The following ZBTB25 variants were observed in gnomAD, a reference collection of about 807,000 sequenced individuals.
ZBTB25 encodes the protein zinc finger and BTB domain containing 25, also known as zinc finger and BTB domain-containing protein 25.
ZBTB25 carries 20 observed loss-of-function variants against 34.2 expected under a neutral mutation model. That is an observed-to-expected ratio of 0.58 (90% confidence interval 0.41 to 0.85). ZBTB25 has a LOEUF of 0.85. ZBTB25 is among the 40% of genes least tolerant of loss of function. The pLI is 0.00. For missense variants in ZBTB25, 437 were observed against 521.8 expected, an observed-to-expected ratio of 0.84 and a Z score of 1.58; for synonymous variants, 175 against 186.4, an observed-to-expected ratio of 0.94 and a Z score of 0.50.
chr14:64,501,701 C>T (rs1017943708), intron 1 of ZBTB25, among the ~76,000 whole-genome samples: 2 of 152,208 alleles, frequency 1.3e-5, no homozygotes, highest in African/African-American at 4.8e-5. Context: ...CACTTTGGTT[C>T]AGTGGTGGGG....
chr14:64,502,913 T>A, intron 1 of ZBTB25: 1 of 985,448 alleles, frequency 1.0e-6, no homozygotes, highest in Non-Finnish European at 1.2e-6. Context: ...GACAGAATCT[T>A]GTGAGAGGAT....
chr14:64,492,214 A>ATTATTG (rs1566608068), intron 1 of ZBTB25, among the ~76,000 whole-genome samples: 1 of 135,122 alleles, frequency 7.4e-6, no homozygotes, highest in Admixed American at 7.4e-5. Flanking sequence ...TATTATTATT[A>ATTATTG]TTATTATTTG....
chr14:64,480,180 G>A lies in ZBTB25; in HGVS notation c.*6743C>T, dbSNP rs375635211. ...CTACTAGAAATACAAAAAATTAGCC[G>A]AGTGTAGTGGTGGGAACCTGTAATC... On this transcript the variant is annotated 3_prime_UTR_variant, in exon 3 of 3. Coordinates refer to ENST00000608382, the MANE Select transcript of ZBTB25 (RefSeq NM_006977.5). The A allele has an allele frequency of 6.8e-5, 14 of 206,086 alleles. No homozygotes were observed. Among genetic ancestry groups the A allele is most frequent in the Non-Finnish European group, 1.1e-4 (11 of 98,258 alleles). The allele number at this position is 206,086 out of a possible 1,614,324, so 12.8% of individuals were successfully genotyped here. A position where few individuals can be genotyped will look rare whatever the true frequency, so the allele number is the denominator to read the frequency against.
chr14:64,502,694 G>C, intron 1 of ZBTB25: 1 of 985,554 alleles, frequency 1.0e-6, no homozygotes, highest in Non-Finnish European at 1.2e-6. Context: ...GGGTAAACTG[G>C]CACTGCGGTC....
intron 1 of ZBTB25, among the ~76,000 whole-genome samples, chr14:64,492,335 T>G (rs2079113427): frequency 6.6e-6 from 1 of 151,810 alleles, no homozygotes. Context: ...GCCTCCCAAG[T>G]AGCTGGCATT....
chr14:64,460,982 T>C (rs1444602255), intron 2 of ZBTB25: 2 of 152,196 alleles, frequency 1.3e-5, no homozygotes, highest in South Asian at 2.1e-4. Flanking sequence ...GCCAGGATCA[T>C]GCTGCTGCAC....
At chr14:64,501,034 G>A (rs976443167) in intron 1 of ZBTB25, among the ~76,000 whole-genome samples, 8 of 152,168 alleles carry the variant, frequency 5.3e-5, no homozygotes, top group African/African-American at 1.7e-4. Context: ...CTGGGTGACA[G>A]AGGTAGACTC....
chr14:64,468,701 G>T (rs2078636990), intron 2 of ZBTB25: 2 of 1,613,970 alleles, frequency 1.2e-6, no homozygotes, highest in Admixed American at 3.3e-5. Flanking sequence ...GCCATTGGAG[G>T]GTGAAATGCA....
chr14:64,461,950 G>C (rs2078561164), intron 2 of ZBTB25: 1 of 152,128 alleles, frequency 6.6e-6, no homozygotes, highest in African/African-American at 2.4e-5. Flanking sequence ...AATGGGATTT[G>C]CTGGGAATTC....
chr14:64,476,612 C>T (rs1042362132), downstream of ZBTB25, among the ~76,000 whole-genome samples: 4 of 152,216 alleles, frequency 2.6e-5, no homozygotes, highest in Admixed American at 6.5e-5. Context: ...TAAGCCACCA[C>T]GCCCAGCTCA....
chr14:64,498,850 G>A (rs1033234766), intron 1 of ZBTB25, among the ~76,000 whole-genome samples: 2 of 150,746 alleles, frequency 1.3e-5, no homozygotes, highest in African/African-American at 4.9e-5. Context: ...TAGCCAGGAT[G>A]GTCTCGATTT....
In ZBTB25 at chr14:64,490,515, T is replaced by C. The variant is rs372472507; in HGVS notation, c.19A>G (p.Ser7Gly). The change falls in exon 2 of 3, where the codon AGC becomes GGC. Residue 7 changes from serine (S) to glycine (G), a missense_variant. Coordinates refer to ENST00000608382, the MANE Select transcript of ZBTB25 (RefSeq NM_006977.5). ...TTCAGCTGCTGGAGAAGAACAAGGC[T>C]ATGGCTGGCAGTGTCCATTGTGGTT... MDTASH[S>G]LVLLQQLNMQ... 118 of 1,613,020 alleles carry C rather than the reference T, an allele frequency of 7.3e-5. No homozygotes were observed. Among genetic ancestry groups the C allele is most frequent in the Non-Finnish European group, 9.8e-5 (116 of 1,179,320 alleles).
chr14:64,457,795 G>A (rs1366987880), intron 2 of ZBTB25, among the ~76,000 whole-genome samples: 1 of 152,094 alleles, frequency 6.6e-6, no homozygotes, highest in Non-Finnish European at 1.5e-5. Context: ...TCAGTGACTT[G>A]ATTTTTAATA....
At position 64,486,174 on chromosome 14, in the gene ZBTB25, C is replaced by T. The variant is rs994160550; in HGVS notation, c.*749G>A. On this transcript the variant is annotated 3_prime_UTR_variant, in exon 3 of 3. Transcript: ENST00000608382. Reference sequence around the variant, plus strand: ...AAAATTAGCTGGGCGTGGTGGCGGGCGCCTGTAGTCCCAGCTGCTCAGGAG... The same window carrying T: ...AAAATTAGCTGGGCGTGGTGGCGGGTGCCTGTAGTCCCAGCTGCTCAGGAG... The T allele has an allele frequency of 1.8e-5, 12 of 671,724 alleles. No homozygotes were observed. The highest frequency in any genetic ancestry group is 6.7e-5 in the South Asian group (1 of 14,910). The allele number at this position is 671,724 out of a possible 1,614,324, so 41.6% of individuals were successfully genotyped here.
intron 2 of ZBTB25, among the ~76,000 whole-genome samples, chr14:64,465,777 C>A (rs1431182723): frequency 6.6e-6 from 1 of 152,122 alleles, no homozygotes; most frequent in African/African-American, 2.4e-5. Context: ...CGCTGGAATC[C>A]GCGGCCAGGG....
At chr14:64,501,968 T>A (rs1454125473) in intron 1 of ZBTB25, among the ~76,000 whole-genome samples, 2 of 152,222 alleles carry the variant, frequency 1.3e-5, no homozygotes, top group Non-Finnish European at 2.9e-5. Context: ...CAAGATATAA[T>A]GCAAAACAGC....
At chr14:64,504,794 C>A, upstream of ZBTB25, 1 of 384,216 alleles carries the variant, frequency 2.6e-6, no homozygotes. Context: ...CCTGGCAGAG[C>A]CAGAGCCTCT....
At chr14:64,477,865 G>A (rs2078733949), downstream of ZBTB25, among the ~76,000 whole-genome samples, 1 of 152,158 alleles carries the variant, frequency 6.6e-6, no homozygotes, top group South Asian at 2.1e-4. Context: ...GGAACCTCCT[G>A]AAACTTGTTA....
At chr14:64,463,016 T>G (rs1271538646) in intron 2 of ZBTB25, 1 of 152,152 alleles carries the variant, frequency 6.6e-6, no homozygotes, top group African/African-American at 2.4e-5. Flanking sequence ...GCACACTGTA[T>G]CTAGTGATAT....
Sources: allele counts gnomAD v4.1 joint callset (sites outside exome capture counted in the v4.1 genomes callset), GRCh38; gene constraint gnomAD v4.1.1; transcripts MANE v1.5; gene names NCBI Gene and HGNC (gene_info 2026-07-23, HGNC 2026-07-21).